Variants in PGM2L1 observed in about 807,000 individuals in gnomAD.
PGM2L1 encodes the protein glucose 1,6-bisphosphate synthase.
PGM2L1 carries 35 observed loss-of-function variants against 73.4 expected under a neutral mutation model. The ratio of observed to expected loss-of-function variants is 0.48; its 90% CI spans 0.36 to 0.63. The LOEUF is 0.63. Ranked by LOEUF, PGM2L1 falls within the 30% of genes least tolerant of loss-of-function variation. PGM2L1 has a pLI of 0.00. For synonymous variants in PGM2L1, 225 were observed against 253.8 expected, an observed-to-expected ratio of 0.89 and a Z score of 1.08; for missense variants, 570 against 742.0, an observed-to-expected ratio of 0.77 and a Z score of 2.69.
In PGM2L1 at chr11:74,370,966, G is replaced by A; in HGVS notation, c.407C>T (p.Ala136Val). Residue 136 changes from alanine (A) to valine (V), a missense_variant, in exon 4 of 14, where the codon GCA (alanine) becomes GTA (valine). By Grantham distance (64) the Ala-to-Val change is moderately conservative. Coordinates refer to ENST00000298198, the MANE Select transcript of PGM2L1 (RefSeq NM_173582.6). ...AGGAACATCTTTGGCCAGCAAGACT[G>A]CAGCAGTGAGTTTAGCAAGCCTAAA... ...SSQRLAKLTA[A>V]VLLAKDVPVY... 6.2e-7 allele frequency: 1 copy of A among 1,612,600 alleles called. No individual in the cohort carries two copies. Among genetic ancestry groups the A allele is most frequent in the Non-Finnish European group, 8.5e-7 (1 of 1,178,952 alleles).
In PGM2L1 at chr11:74,351,341, G is replaced by A. The variant is rs748977212; in HGVS notation, c.749+42C>T. 1.1e-4 allele frequency: 169 copies of A among 1,519,826 alleles called. 2 individuals carry two copies. In the South Asian group the frequency reaches 1.9e-3, roughly 17 times the overall value. 94.1% of individuals were successfully genotyped at this position (1,519,826 alleles called of 1,614,324 possible). ...CTTTTTATTCTCCTCATTCTTTAACGTTATTCTGAAGTAGTATTATCTGAT... is the reference window on the plus strand; with the variant it reads ...CTTTTTATTCTCCTCATTCTTTAACATTATTCTGAAGTAGTATTATCTGAT... On this transcript the variant is annotated intron_variant, in intron 6 of 13. Coordinates refer to ENST00000298198, the MANE Select transcript of PGM2L1 (RefSeq NM_173582.6).
intron 8 of PGM2L1, 68 bp downstream of exon 8, chr11:74,346,664 C>A: frequency 1.7e-6 from 2 of 1,196,198 alleles, no homozygotes; most frequent in Non-Finnish European, 2.5e-6. Flanking sequence ...TTTCAATGAG[C>A]CTGTAAGACT....
chr11:74,347,752 C>G (rs1013231012), intron 6 of PGM2L1, among the ~76,000 whole-genome samples: 7 of 152,190 alleles, frequency 4.6e-5, no homozygotes, highest in African/African-American at 1.7e-4. Context: ...ATATGTCAGT[C>G]TGGCTACTTT....
intron 1 of PGM2L1, among the ~76,000 whole-genome samples, chr11:74,393,128 G>A (rs1345054473): frequency 6.6e-6 from 1 of 152,156 alleles, no homozygotes; most frequent in Non-Finnish European, 1.5e-5. Flanking sequence ...TTTTACCAAA[G>A]TTGAAACACT....
chr11:74,352,030 A>G (rs1402621057), intron 5 of PGM2L1, among the ~76,000 whole-genome samples: 1 of 151,922 alleles, frequency 6.6e-6, no homozygotes, highest in Non-Finnish European at 1.5e-5. Flanking sequence ...AAAAATGTCA[A>G]CATAGGAGGA....
At chr11:74,396,115 C>T (rs1269781717) in intron 1 of PGM2L1, among the ~76,000 whole-genome samples, 8 of 151,558 alleles carry the variant, frequency 5.3e-5, no homozygotes, top group African/African-American at 1.7e-4. Flanking sequence ...TTTAATTAGC[C>T]GGGCGTGGTG....
rs1863209838 is a variant in PGM2L1, at chr11:74,398,143, CCT to C, written c.17_18del (p.Glu6GlyfsTer31). The C allele has an allele frequency of 6.2e-6, 10 of 1,612,164 alleles. No homozygotes were observed. Among genetic ancestry groups the C allele is most frequent in the Non-Finnish European group, 8.5e-6 (10 of 1,178,944 alleles). On this transcript the variant is annotated frameshift_variant, in exon 1 of 14. Transcript: ENST00000298198. LOFTEE classifies it high-confidence loss of function. ...TGGAGCAGGTTGGAGTTCAGATCCC[CCT>C]CTGTGTTTTCAGCCATGGCGACCAG... MAENT[E>X]GDLNSNLLHA...
At position 74,347,403 on chromosome 11, in the gene PGM2L1, A is replaced by G. The variant is rs933346895; in HGVS notation, c.750-66T>C. 2.0e-5 allele frequency: 25 copies of G among 1,270,024 alleles called. No homozygotes were observed. In the African/African-American group the frequency reaches 3.4e-4, roughly 17 times the overall value. 78.7% of individuals were successfully genotyped at this position (1,270,024 alleles called of 1,614,324 possible). A position where few individuals can be genotyped will look rare whatever the true frequency, so the allele number is the denominator to read the frequency against. On this transcript the variant is annotated intron_variant, in intron 6 of 13. Transcript: ENST00000298198. ...TCTTACCTTTGATATAATTAAAAAC[A>G]ATCAAATTCTGATTTGAAAATGTGA...
chr11:74,368,398 C>T, intron 5 of PGM2L1, 94 bp downstream of exon 5: 1 of 1,086,794 alleles, frequency 9.2e-7, no homozygotes, highest in Non-Finnish European at 1.4e-6. Flanking sequence ...ATGTCTAGCT[C>T]TGCTCTCCAG....
rs764450135 is a variant in PGM2L1 at position 74,343,340 on chromosome 11, G to T, written c.1295C>A (p.Ala432Glu). 5 of 1,606,490 alleles carry T rather than the reference G, an allele frequency of 3.1e-6. No individual in the cohort carries two copies. Among genetic ancestry groups the T allele is most frequent in the Non-Finnish European group, 4.2e-6 (5 of 1,177,952 alleles). ...LLENGKEVLF[A>E]FEESIGFLCG... is the part of the protein sequence containing the mutation. ...CTACATACCAATAGACTCTTCAAAT[G>T]CAAAAAGGACTTCTTTCCCATTTTC... The change falls in exon 10 of 14, where the codon GCA becomes GAA. Residue 432 changes from alanine to glutamate, a missense_variant. By Grantham distance (107) the Ala-to-Glu change is moderately radical. Coordinates refer to ENST00000298198, the MANE Select transcript of PGM2L1 (RefSeq NM_173582.6).
intron 1 of PGM2L1, among the ~76,000 whole-genome samples, chr11:74,376,306 C>A (rs962474652): frequency 3.3e-5 from 5 of 152,030 alleles, no homozygotes; most frequent in East Asian, 1.9e-4. Flanking sequence ...AGGATGGGAA[C>A]CTAGGCTGGG....
intron 5 of PGM2L1, among the ~76,000 whole-genome samples, chr11:74,361,269 C>T (rs1215335058): frequency 1.3e-5 from 2 of 152,202 alleles, no homozygotes; most frequent in Non-Finnish European, 2.9e-5. Flanking sequence ...GCCTCCACTG[C>T]TGATACCCAG....
chr11:74,340,193 G>T (rs1206834913), intron 12 of PGM2L1, among the ~76,000 whole-genome samples: 1 of 152,162 alleles, frequency 6.6e-6, no homozygotes, highest in Non-Finnish European at 1.5e-5. Flanking sequence ...CAACCTTGGG[G>T]ATAACAACAT....
chr11:74,391,382 A>T (rs924224619), intron 1 of PGM2L1, among the ~76,000 whole-genome samples: 20 of 151,736 alleles, frequency 1.3e-4, no homozygotes, highest in African/African-American at 4.6e-4. Flanking sequence ...GGATCAGTAC[A>T]CTATTTTCAT....
intron 5 of PGM2L1, among the ~76,000 whole-genome samples, chr11:74,355,896 CTG>C (rs1862446236): frequency 6.6e-6 from 1 of 152,050 alleles, no homozygotes; most frequent in South Asian, 2.1e-4. Context: ...AACTCGAGGA[CTG>C]TATTTGTGAC....
chr11:74,392,343 A>G (rs1420284839), intron 1 of PGM2L1, among the ~76,000 whole-genome samples: 1 of 152,156 alleles, frequency 6.6e-6, no homozygotes, highest in East Asian at 1.9e-4. Flanking sequence ...ATTTGGAAGT[A>G]TAAAGAAAAA....
At chr11:74,346,107 A>T (rs1459688762) in intron 8 of PGM2L1, among the ~76,000 whole-genome samples, 1 of 151,894 alleles carries the variant, frequency 6.6e-6, no homozygotes, top group African/African-American at 2.4e-5. Context: ...TCTACTAAAA[A>T]TACAAAATTA....
rs1863212484 is a variant in PGM2L1, at chr11:74,398,230, G to GT, written c.-70dup. On this transcript the variant is annotated 5_prime_UTR_variant, in exon 1 of 14. Transcript: ENST00000298198. ...GAGTTGGGGTGGGGGGTGGCTTGGG[G>GT]TTCGCTCACCAGGGTCCAGGCGTCC... The GT allele has an allele frequency of 6.5e-7, 1 of 1,537,236 alleles. No homozygotes were observed. The highest frequency in any genetic ancestry group is 2.3e-5 in the East Asian group (1 of 42,850).
intron 1 of PGM2L1, among the ~76,000 whole-genome samples, chr11:74,378,245 T>C (rs1017690596): frequency 6.6e-6 from 1 of 151,872 alleles, no homozygotes; most frequent in Non-Finnish European, 1.5e-5. Context: ...GAGGTTTTAG[T>C]GAGCCGAGAT....
Sources: allele counts gnomAD v4.1 joint callset (sites outside exome capture counted in the v4.1 genomes callset), GRCh38; gene constraint gnomAD v4.1.1; transcripts MANE v1.5; gene names NCBI Gene and HGNC (gene_info 2026-07-23, HGNC 2026-07-21).